RECK: variants seen among roughly 807,000 people sequenced by gnomAD.
RECK encodes the protein reversion-inducing cysteine-rich protein with Kazal motifs.
A neutral mutation model predicts 115.1 loss-of-function variants in RECK; 69 were observed. The observed-to-expected ratio is 0.60, with a 90% CI of 0.49 to 0.73. RECK has a LOEUF of 0.73. Among genes scored for constraint, RECK ranks in the 30% least tolerant of loss-of-function variants. RECK has a pLI of 0.00. For missense variants in RECK, 1,047 were observed against 1,203.7 expected, an observed-to-expected ratio of 0.87 and a Z score of 1.93; for synonymous variants, 414 against 419.7, an observed-to-expected ratio of 0.99 and a Z score of 0.17.
intron 18 of RECK, 112 bp downstream of exon 18, chr9:36,119,079 G>T: frequency 9.2e-7 from 1 of 1,084,532 alleles, no homozygotes; most frequent in East Asian, 2.5e-5. Flanking sequence ...AGAAAGTCTT[G>T]AAGAGATTCT....
intron 3 of RECK, among the ~76,000 whole-genome samples, chr9:36,059,712 C>T (rs1821682402): frequency 6.6e-6 from 1 of 152,142 alleles, no homozygotes; most frequent in Admixed American, 6.5e-5. Flanking sequence ...GTTTGGGATG[C>T]TCATGTGCCA....
intron 14 of RECK, among the ~76,000 whole-genome samples, chr9:36,108,597 A>G (rs1382088225): frequency 1.3e-5 from 2 of 152,130 alleles, no homozygotes; most frequent in East Asian, 3.9e-4. Flanking sequence ...TACGCTTCAC[A>G]GGCCAAGGAC....
At chr9:36,117,295 A>G (rs2132673308) in intron 17 of RECK, 118 bp downstream of exon 17, 2 of 760,636 alleles carry the variant, frequency 2.6e-6, no homozygotes, top group Non-Finnish European at 4.1e-6. Context: ...TGTCAAATCT[A>G]TAGCACCCAG....
chr9:36,123,112 T>C lies in RECK; in HGVS notation c.*67T>C. The stretch of plus-strand genomic sequence containing the variant: ...CTGCCTTGAAAAAGACATTCAGGAC[T>C]GCTGGTTTGTAGTTGAATATTGGCC... On this transcript the variant is annotated 3_prime_UTR_variant, in exon 21 of 21. Coordinates refer to ENST00000377966, the MANE Select transcript of RECK (RefSeq NM_021111.3). The C allele has an allele frequency of 1.6e-6, 2 of 1,284,326 alleles. No homozygotes were observed. Among genetic ancestry groups the C allele is most frequent in the Non-Finnish European group, 2.2e-6 (2 of 914,442 alleles). The allele number at this position is 1,284,326 out of a possible 1,614,324, so 79.6% of individuals were successfully genotyped here.
At chr9:36,048,008 C>T (rs998161621) in intron 1 of RECK, among the ~76,000 whole-genome samples, 4 of 151,190 alleles carry the variant, frequency 2.6e-5, no homozygotes, top group African/African-American at 4.9e-5. Context: ...CTCCTCAATA[C>T]CAATCCTACT....
chr9:36,047,941 CTTGG>C (rs1821130188), intron 1 of RECK, among the ~76,000 whole-genome samples: 1 of 150,742 alleles, frequency 6.6e-6, no homozygotes, highest in Non-Finnish European at 1.5e-5. Context: ...AACTTAGAAA[CTTGG>C]TTGGTAAGAT....
intron 6 of RECK, among the ~76,000 whole-genome samples, chr9:36,070,968 G>A (rs977428718): frequency 6.6e-6 from 1 of 152,158 alleles, no homozygotes; most frequent in Non-Finnish European, 1.5e-5. Context: ...CTACCTAAAA[G>A]TATTGGTTAG....
intron 17 of RECK, 112 bp from the exon 18 acceptor site, chr9:36,118,645 T>C (rs1824351436): frequency 9.7e-7 from 1 of 1,029,474 alleles, no homozygotes; most frequent in South Asian, 1.6e-5. Context: ...CCTCATAATT[T>C]ATACCTGTGT....
At position 36,094,256 on chromosome 9, in the gene RECK, A is replaced by G. The variant is rs1399246319; in HGVS notation, c.1085+2913A>G. 6.6e-6 allele frequency among the ~76,000 whole-genome samples: 1 copy of G among 151,940 alleles called. No homozygotes were observed. The highest frequency in any genetic ancestry group is 2.4e-5 in the African/African-American group (1 of 41,420). ...AAAGTAATTGGTTAAAGCAAAAATA[A>G]TAACAATGTATTGTGGAATTTATAC... is the stretch of plus-strand genomic sequence containing the variant. On this transcript the variant is annotated intron_variant, in intron 10 of 20. Coordinates refer to ENST00000377966, the MANE Select transcript of RECK (RefSeq NM_021111.3). This position sits in a 1 kb window ranked among gnomAD's most constrained non-coding sequence, Gnocchi z 4.1.
At position 36,109,239 on chromosome 9, in the gene RECK, G is replaced by A. The variant is rs190727854; in HGVS notation, c.1766-718G>A. Among the ~76,000 whole-genome samples the A allele has an allele frequency of 2.7e-4, 41 of 152,304 alleles. No homozygotes were observed. The East Asian group carries it at 7.5e-3, about 28-fold the overall frequency. ...TTATGGAGCTGAAACCGGGACGGGGGATGAGATCATGCTTTATGTGTTAAG... is the reference window on the plus strand; with the variant it reads ...TTATGGAGCTGAAACCGGGACGGGGAATGAGATCATGCTTTATGTGTTAAG... On this transcript the variant is annotated intron_variant, in intron 14 of 20. Transcript: ENST00000377966.
chr9:36,089,823 G>T (rs1470589218), intron 9 of RECK, among the ~76,000 whole-genome samples: 1 of 151,968 alleles, frequency 6.6e-6, no homozygotes, highest in Non-Finnish European at 1.5e-5. Flanking sequence ...TTCAGATGAG[G>T]GATACCCAAC....
At chr9:36,120,251 A>T (rs114095032) in intron 18 of RECK, among the ~76,000 whole-genome samples, 1,867 of 152,166 alleles carry the variant, frequency 0.012, 47 homozygotes, top group African/African-American at 0.043. Context: ...AAAAAAAATT[A>T]AATTTGAATC....
chr9:36,063,473 C>T (rs543916373), intron 4 of RECK, among the ~76,000 whole-genome samples: 2 of 152,304 alleles, frequency 1.3e-5, no homozygotes, highest in East Asian at 1.9e-4. Flanking sequence ...AGCTCTCTTC[C>T]TTGCTTTCCT....
chr9:36,060,221 G>A (rs1302797180), intron 4 of RECK, 66 bp downstream of exon 4: 1 of 1,485,162 alleles, frequency 6.7e-7, no homozygotes, highest in Non-Finnish European at 9.4e-7. Flanking sequence ...TGTAAAATTG[G>A]TGTCATTGTC....
chr9:36,055,855 G>A (rs1821501287), intron 2 of RECK, among the ~76,000 whole-genome samples: 1 of 152,120 alleles, frequency 6.6e-6, no homozygotes, highest in Non-Finnish European at 1.5e-5. Flanking sequence ...ATTGCAGGAA[G>A]AAGAAATGAG....
intron 1 of RECK, among the ~76,000 whole-genome samples, chr9:36,048,950 A>C (rs1821179288): frequency 6.6e-6 from 1 of 152,144 alleles, no homozygotes; most frequent in African/African-American, 2.4e-5. Context: ...CTTTTGACCA[A>C]CTGGCTATAA....
At chr9:36,059,868 G>A (rs754634981) in intron 3 of RECK, among the ~76,000 whole-genome samples, 2 of 152,182 alleles carry the variant, frequency 1.3e-5, no homozygotes, top group Non-Finnish European at 2.9e-5. Context: ...CTTGGAAACA[G>A]TGATTCCAGT....
rs1824557311 is a variant in RECK at position 36,124,151 on chromosome 9, T to C, written c.*1106T>C. 1 of 152,656 alleles carries C rather than the reference T, an allele frequency of 6.6e-6. No individual in the cohort carries two copies. The highest frequency in any genetic ancestry group is 1.5e-5 in the Non-Finnish European group (1 of 68,048). 9.5% of individuals were successfully genotyped at this position (152,656 alleles called of 1,614,324 possible). ...AAATGTATGCATGTTGTCTAAGAAA[T>C]TGAATACTTTGAATGTGTTTCACAG... On this transcript the variant is annotated 3_prime_UTR_variant, in exon 21 of 21. Coordinates refer to ENST00000377966, the MANE Select transcript of RECK (RefSeq NM_021111.3).
At chr9:36,092,539 CTAA>C (rs1823199073) in intron 10 of RECK, among the ~76,000 whole-genome samples, 1 of 121,662 alleles carries the variant, frequency 8.2e-6, no homozygotes, top group Admixed American at 8.3e-5. Flanking sequence ...CCACACCCAG[CTAA>C]TTTTTTTTTT....
Sources: gnomAD v4.1 joint callset for allele counts (sites outside exome capture counted in the v4.1 genomes callset) on GRCh38, gnomAD v4.1.1 for gene constraint, Gnocchi (gnomAD v3.1) non-coding constraint, MANE v1.5 for transcripts, NCBI Gene and HGNC (gene_info 2026-07-23, HGNC 2026-07-21) for gene names.